The following EML1 variants were observed in gnomAD, a reference collection of about 807,000 sequenced individuals.
EML1 encodes the protein EMAP like 1, also known as echinoderm microtubule-associated protein-like 1.
A neutral mutation model predicts 110.4 loss-of-function variants in EML1; 27 were observed. That is an observed-to-expected ratio of 0.24 (90% confidence interval 0.18 to 0.34). The LOEUF (loss-of-function observed/expected upper bound fraction) is 0.34. EML1 is among the 10% of genes least tolerant of loss of function. The pLI is 1.00. For missense variants in EML1, 741 were observed against 1,030.9 expected, an observed-to-expected ratio of 0.72 and a Z score of 3.85; for synonymous variants, 344 against 385.8, an observed-to-expected ratio of 0.89 and a Z score of 1.27.
chr14:99,938,586 C>G (rs1407674217), intron 20 of EML1, among the ~76,000 whole-genome samples: 1 of 151,962 alleles, frequency 6.6e-6, no homozygotes, highest in African/African-American at 2.4e-5. Context: ...CCAGGCCCAC[C>G]TGGGCTCACC....
intron 1 of EML1, among the ~76,000 whole-genome samples, chr14:99,822,728 G>A (rs1350776988): frequency 6.6e-6 from 1 of 151,974 alleles, no homozygotes; most frequent in Non-Finnish European, 1.5e-5. Context: ...TTATCCCCAT[G>A]CCCCACATGA....
In EML1 at chr14:99,878,132, T is replaced by C. The variant is rs904116177; in HGVS notation, c.384-353T>C. Among the ~76,000 whole-genome samples, 4 of 143,976 alleles carry C rather than the reference T, an allele frequency of 2.8e-5. No homozygotes were observed. In the East Asian group the frequency reaches 7.8e-4, roughly 28 times the overall value. The allele number at this position is 143,976 out of a possible 152,430, so 94.5% of individuals were successfully genotyped here. On this transcript the variant is annotated intron_variant, in intron 3 of 21. Transcript: ENST00000262233. ...TGGCCCAAGACAATTCTTCTTCCAA[T>C]GTGGCCCAGGGAAACCAAAAGATTG...
intron 1 of EML1, among the ~76,000 whole-genome samples, chr14:99,796,127 C>T (rs2057766069): frequency 6.8e-6 from 1 of 146,930 alleles, no homozygotes; most frequent in Non-Finnish European, 1.5e-5. Flanking sequence ...TTTGAAGCTG[C>T]AGTGAGCTAT....
intron 1 of EML1, among the ~76,000 whole-genome samples, chr14:99,831,137 G>A (rs1028152507): frequency 1.1e-4 from 17 of 152,178 alleles, no homozygotes; most frequent in Admixed American, 2.6e-4. Flanking sequence ...GTCAATTCAC[G>A]TTATGTGAAT....
chr14:99,781,479 C>T lies in EML1; in HGVS notation c.-27+7466C>T, dbSNP rs147165245. Among the ~76,000 whole-genome samples, 481 of 152,294 alleles carry T rather than the reference C, an allele frequency of 3.2e-3. 5 individuals are homozygous for T. The highest frequency in any genetic ancestry group is 0.011 in the African/African-American group (458 of 41,542). The stretch of plus-strand genomic sequence containing the variant: ...CTTCTGCATCCGCAGTGTGGTCTGG[C>T]GGGCCAGTTCCCCACCCCACAGCTG... On this transcript the variant is annotated intron_variant, in intron 1 of 22. Transcript: ENST00000327921. This position sits in a 1 kb window ranked among gnomAD's most constrained non-coding sequence, Gnocchi z 4.2.
In EML1 at chr14:99,856,557, C is replaced by G. The variant is rs1192645713; in HGVS notation, c.250+5522C>G. 7.9e-5 allele frequency among the ~76,000 whole-genome samples: 12 copies of G among 152,304 alleles called. No individual in the cohort carries two copies. In the South Asian group the frequency reaches 1.7e-3, roughly 21 times the overall value. On this transcript the variant is annotated intron_variant, in intron 2 of 21. Transcript: ENST00000262233. ...AAGTGGCTTTTGCTTTTTCTCTTGTCTACTGCACCTTCTCCTTACAAATTG... is the reference window on the plus strand; with the variant it reads ...AAGTGGCTTTTGCTTTTTCTCTTGTGTACTGCACCTTCTCCTTACAAATTG...
At chr14:99,855,288 TTTAG>T (rs2058883754) in intron 2 of EML1, among the ~76,000 whole-genome samples, 2 of 152,234 alleles carry the variant, frequency 1.3e-5, no homozygotes, top group Admixed American at 6.5e-5. Context: ...TTTAAATACT[TTTAG>T]TTAGTTTCTA....
intron 1 of EML1, among the ~76,000 whole-genome samples, chr14:99,838,178 T>C (rs183743969): frequency 6.6e-6 from 1 of 152,178 alleles, no homozygotes; most frequent in Non-Finnish European, 1.5e-5. Context: ...CTGAAACTAA[T>C]CAAATTATTA....
chr14:99,882,670 A>AGG (rs1566915961), intron 4 of EML1, among the ~76,000 whole-genome samples: 1 of 150,984 alleles, frequency 6.6e-6, no homozygotes, highest in African/African-American at 2.4e-5. Flanking sequence ...AAAAAAAAAA[A>AGG]AAAAAGAAAA....
intron 2 of EML1, among the ~76,000 whole-genome samples, chr14:99,852,549 A>G (rs2058828291): frequency 6.6e-6 from 1 of 152,242 alleles, no homozygotes; most frequent in Non-Finnish European, 1.5e-5. Flanking sequence ...TAGGAGGCCA[A>G]GGCTGCAGAG....
At chr14:99,880,307 G>C (rs2059363719) in intron 4 of EML1, among the ~76,000 whole-genome samples, 1 of 152,164 alleles carries the variant, frequency 6.6e-6, no homozygotes, top group Non-Finnish European at 1.5e-5. Context: ...ATAGGAGTAA[G>C]AGCTGCAGTA....
Position 99,894,895 on chromosome 14 carries a change from C to T in EML1, c.677+137C>T, listed in dbSNP as rs901584498. Reference sequence around the variant, plus strand: ...AATGTTTTACTGTTACTTTTGAAAACTTAATGTAACAAAATTGACTATATG... The same window carrying T: ...AATGTTTTACTGTTACTTTTGAAAATTTAATGTAACAAAATTGACTATATG... On this transcript the variant is annotated intron_variant, in intron 6 of 21. Coordinates refer to ENST00000262233, the MANE Select transcript of EML1 (RefSeq NM_004434.3). 2.6e-6 allele frequency: 3 copies of T among 1,153,936 alleles called. No individual in the cohort carries two copies. In the African/African-American group the frequency reaches 4.8e-5, roughly 18 times the overall value. The allele number at this position is 1,153,936 out of a possible 1,614,324, so 71.5% of individuals were successfully genotyped here. A position where few individuals can be genotyped will look rare whatever the true frequency, so the allele number is the denominator to read the frequency against.
intron 1 of EML1, among the ~76,000 whole-genome samples, chr14:99,796,771 G>GA (rs2057783060): frequency 6.6e-6 from 1 of 151,720 alleles, no homozygotes; most frequent in Non-Finnish European, 1.5e-5. Flanking sequence ...TATTTTCTTC[G>GA]AGGCCTCATT....
intron 3 of EML1, among the ~76,000 whole-genome samples, chr14:99,874,470 C>T (rs761037463): frequency 3.3e-5 from 5 of 152,176 alleles, no homozygotes; most frequent in Admixed American, 2.0e-4. Flanking sequence ...TTTCACTCGC[C>T]GTCCAGAGAG....
chr14:99,740,189 C>T (rs1245244556), intron 1 of EML1, among the ~76,000 whole-genome samples: 1 of 152,170 alleles, frequency 6.6e-6, no homozygotes, highest in Non-Finnish European at 1.5e-5. Flanking sequence ...GAGGTGGGGG[C>T]TATCAGCTCC....
intron 1 of EML1, among the ~76,000 whole-genome samples, chr14:99,785,943 G>A (rs1259278200): frequency 2.0e-5 from 3 of 151,822 alleles, no homozygotes; most frequent in African/African-American, 7.3e-5. Context: ...CCCTCCCGCA[G>A]CGCTAACCTG....
At chr14:99,783,908 G>C (rs1467790526) in intron 1 of EML1, among the ~76,000 whole-genome samples, 2 of 152,204 alleles carry the variant, frequency 1.3e-5, no homozygotes, top group African/African-American at 2.4e-5. Context: ...GGCATGCCAG[G>C]AACGGCCATA....
chr14:99,925,935 A>G (rs907590601), intron 17 of EML1, among the ~76,000 whole-genome samples: 5 of 152,026 alleles, frequency 3.3e-5, no homozygotes, highest in African/African-American at 9.7e-5. Context: ...CAGTGCTACT[A>G]TTGCCCAGGG....
chr14:99,901,102 G>A (rs952198789), intron 9 of EML1, 63 bp downstream of exon 9: 1 of 1,420,844 alleles, frequency 7.0e-7, no homozygotes, highest in Non-Finnish European at 9.9e-7. Context: ...TCAACTCAGG[G>A]TTGAAGAGGG....
Sources: gnomAD v4.1 joint callset for allele counts (sites outside exome capture counted in the v4.1 genomes callset) on GRCh38, gnomAD v4.1.1 for gene constraint, Gnocchi (gnomAD v3.1) non-coding constraint, MANE v1.5 for transcripts, NCBI Gene and HGNC (gene_info 2026-07-23, HGNC 2026-07-21) for gene names.